IQUB: variants seen among roughly 807,000 people sequenced by gnomAD.
IQUB encodes IQ motif and ubiquitin domain containing.
Under a neutral mutation model 86.4 loss-of-function variants are expected in IQUB, and 86 were observed. The ratio of observed to expected loss-of-function variants is 1.00; its 90% CI spans 0.84 to 1.19. The LOEUF is 1.19. IQUB is among the 50% of genes most tolerant of loss of function. The probability of loss-of-function intolerance (pLI) is 0.00; values close to 1 mark genes in which losing one functional copy is unlikely to be tolerated. For missense variants in IQUB, 946 were observed against 916.9 expected (o/e 1.03, Z -0.41); for synonymous variants, 289 against 304.5 (o/e 0.95, Z 0.53).
intron 3 of IQUB, among the ~76,000 whole-genome samples, chr7:123,504,448 C>T (rs1230955896): frequency 5.3e-5 from 8 of 151,356 alleles, no homozygotes; most frequent in East Asian, 1.9e-4. Context: ...AACTCTGTCT[C>T]GAAAAAAAAT....
At position 123,509,887 on chromosome 7, in the gene IQUB, G is replaced by C; in HGVS notation, c.532+14C>G. On this transcript the variant is annotated intron_variant, in intron 3 of 12. Transcript: ENST00000324698. The stretch of plus-strand genomic sequence containing the variant: ...AGAAAAGTCTTGATATGTTTTATTA[G>C]CCTCCAAACTTACCTGAGTATCTTA... 6.3e-7 allele frequency: 1 copy of C among 1,586,826 alleles called. No individual in the cohort carries two copies. Among genetic ancestry groups the C allele is most frequent in the East Asian group, 2.2e-5 (1 of 44,498 alleles).
At chr7:123,472,354 C>T (rs1794563446) in intron 8 of IQUB, among the ~76,000 whole-genome samples, 1 of 152,078 alleles carries the variant, frequency 6.6e-6, no homozygotes. Context: ...ATTCATTCAA[C>T]AAATATTTAC....
chr7:123,531,598 A>G (rs1198731261), intron 1 of IQUB, among the ~76,000 whole-genome samples: 2 of 152,242 alleles, frequency 1.3e-5, no homozygotes, highest in Admixed American at 1.3e-4. Flanking sequence ...TATTTTCCTG[A>G]TCATAATTTT....
At position 123,504,170 on chromosome 7, in the gene IQUB, C is replaced by T. The variant is rs561225317; in HGVS notation, c.533-807G>A. Among the ~76,000 whole-genome samples the T allele has an allele frequency of 2.0e-4, 31 of 152,214 alleles. No individual in the cohort carries two copies. In the South Asian group the frequency reaches 6.4e-3, roughly 32 times the overall value. On this transcript the variant is annotated intron_variant, in intron 3 of 12. Coordinates refer to ENST00000324698, the MANE Select transcript of IQUB (RefSeq NM_178827.5). Reference sequence around the variant, plus strand: ...AATTTATAAAGAAAAGACATTTAGGCCACACATGGCGGTTCATGCTTGTAA... The same window carrying T: ...AATTTATAAAGAAAAGACATTTAGGTCACACATGGCGGTTCATGCTTGTAA...
chr7:123,493,832 A>G (rs1795597088), intron 7 of IQUB, among the ~76,000 whole-genome samples: 1 of 150,012 alleles, frequency 6.7e-6, no homozygotes, highest in South Asian at 2.1e-4. Flanking sequence ...CTTTTGGTGA[A>G]TATATATACA....
Position 123,512,250 on chromosome 7 carries a change from C to T in IQUB, c.91G>A (p.Val31Ile), listed in dbSNP as rs1355252574. 6.2e-7 allele frequency: 1 copy of T among 1,613,614 alleles called. No homozygotes were observed. The highest frequency in any genetic ancestry group is 8.5e-7 in the Non-Finnish European group (1 of 1,179,620). ...GACTCTTGAGGCTCTTCTGAGGGAA[C>T]TGGAATAGTGACAGTATCAAAAGCA... The part of the protein sequence containing the change: ...DDAFDTVTIP[V>I]PSEEPQESDQ... The change falls in exon 2 of 13, where the codon GTT (valine) becomes ATT (isoleucine). Residue 31 changes from valine to isoleucine, a missense_variant. Physicochemically the swap from Val to Ile is conservative, Grantham distance 29 (BLOSUM62 3). Coordinates refer to ENST00000324698, the MANE Select transcript of IQUB (RefSeq NM_178827.5).
At chr7:123,479,774 A>C in intron 8 of IQUB, 21 bp downstream of exon 8, 1 of 1,565,556 alleles carries the variant, frequency 6.4e-7, no homozygotes, top group Non-Finnish European at 8.7e-7. Context: ...TTCATATTTA[A>C]ATAGTAGTCA....
chr7:123,508,957 G>A (rs1189405201), intron 3 of IQUB, among the ~76,000 whole-genome samples: 1 of 152,090 alleles, frequency 6.6e-6, no homozygotes, highest in African/African-American at 2.4e-5. Flanking sequence ...CAACAATATG[G>A]TCATAATCAT....
At chr7:123,505,569 T>G (rs940350297) in intron 3 of IQUB, among the ~76,000 whole-genome samples, 1 of 152,196 alleles carries the variant, frequency 6.6e-6, no homozygotes, top group Non-Finnish European at 1.5e-5. Flanking sequence ...TTCCACCCTC[T>G]GGAGCAATGG....
At chr7:123,507,826 C>T (rs916833237) in intron 3 of IQUB, among the ~76,000 whole-genome samples, 9 of 149,928 alleles carry the variant, frequency 6.0e-5, no homozygotes, top group Non-Finnish European at 8.9e-5. Context: ...TGAGCGAGAT[C>T]GTGACACTGA....
chr7:123,504,459 A>T (rs1294560542), intron 3 of IQUB, among the ~76,000 whole-genome samples: 2 of 152,132 alleles, frequency 1.3e-5, no homozygotes. Flanking sequence ...GAAAAAAAAT[A>T]ATAAAAGACG....
At chr7:123,516,339 C>T (rs956758999) in intron 1 of IQUB, among the ~76,000 whole-genome samples, 3 of 152,064 alleles carry the variant, frequency 2.0e-5, no homozygotes, top group African/African-American at 7.2e-5. Flanking sequence ...CATACACACA[C>T]AGAAATACAA....
In IQUB at chr7:123,490,445, G is replaced by C. The variant is rs28798383; in HGVS notation, c.1234+6251C>G. ...ACAAATAGGAAAATTCACAATTACA[G>C]TCTGAGATTTCAATACCCCCTCACA... On this transcript the variant is annotated intron_variant, in intron 7 of 12. Coordinates refer to ENST00000324698, the MANE Select transcript of IQUB (RefSeq NM_178827.5). Among the ~76,000 whole-genome samples, 827 of 152,202 alleles carry C rather than the reference G, an allele frequency of 5.4e-3. 5 individuals carry two copies. Among genetic ancestry groups the C allele is most frequent in the African/African-American group, 0.018 (767 of 41,528 alleles).
intron 6 of IQUB, among the ~76,000 whole-genome samples, chr7:123,499,704 G>T (rs914172090): frequency 6.6e-6 from 1 of 152,110 alleles, no homozygotes; most frequent in Non-Finnish European, 1.5e-5. Flanking sequence ...GATTAGATAT[G>T]CACTTGGTAT....
chr7:123,518,138 C>T (rs927325362), intron 1 of IQUB, among the ~76,000 whole-genome samples: 3 of 142,214 alleles, frequency 2.1e-5, no homozygotes, highest in African/African-American at 7.6e-5. Context: ...TAGAGTCATC[C>T]TTTTATTTTT....
In IQUB at chr7:123,479,699, G is replaced by C. The variant is rs1462777129; in HGVS notation, c.1410+96C>G. 1.6e-5 allele frequency: 14 copies of C among 869,282 alleles called. 1 individual carries two copies. Among genetic ancestry groups the C allele is most frequent in the Middle Eastern group, 3.2e-4 (1 of 3,148 alleles). 53.8% of individuals were successfully genotyped at this position (869,282 alleles called of 1,614,324 possible). On this transcript the variant is annotated intron_variant, in intron 8 of 12. Coordinates refer to ENST00000324698, the MANE Select transcript of IQUB (RefSeq NM_178827.5). ...CATCAAAATCCTAAACAAAATTCAT[G>C]TAAGTTCTTGCAATCTAAGTCTCTT...
Position 123,503,064 on chromosome 7 carries a change from G to T in IQUB, c.747C>A (p.His249Gln). 1 of 1,613,416 alleles carries T rather than the reference G, an allele frequency of 6.2e-7. No individual in the cohort carries two copies. Residue 249 changes from histidine (H) to glutamine (Q), a missense_variant, in exon 5 of 13, where the codon CAC becomes CAA. His to Gln is a conservative substitution (Grantham distance 24). Transcript: ENST00000324698. ...VPVEIVKSDF[H>Q]KPFLGGFRHK... ...GTCTGAATCCACCAAGAAATGGTTT[G>T]TGAAAGTCAGATTTGACAATCTCAA...
At chr7:123,468,550 A>AAAGTGAGAGT (rs11280669) in intron 9 of IQUB, among the ~76,000 whole-genome samples, 124,282 of 151,806 alleles carry the variant, frequency 0.82, 50,917 homozygotes, top group African/African-American at 0.84. Flanking sequence ...ATACGTGGTC[A>AAAGTGAGAGT]AAATTGTCCT....
chr7:123,510,522 C>A (rs1272980501), intron 2 of IQUB, among the ~76,000 whole-genome samples: 2 of 151,928 alleles, frequency 1.3e-5, no homozygotes, highest in African/African-American at 2.4e-5. Flanking sequence ...AAATGATTAT[C>A]TGTTCATGAA....
Sources: gnomAD v4.1 joint callset for allele counts (sites outside exome capture counted in the v4.1 genomes callset) on GRCh38, gnomAD v4.1.1 for gene constraint, MANE v1.5 for transcripts, NCBI Gene and HGNC (gene_info 2026-07-23, HGNC 2026-07-21) for gene names.